The following MBTPS2 variants were observed in gnomAD, a reference collection of about 807,000 sequenced individuals.
MBTPS2 encodes membrane bound transcription factor peptidase, site 2, also known as membrane-bound transcription factor site-2 protease.
Under a neutral mutation model 35.4 loss-of-function variants are expected in MBTPS2, and 2 were observed. That is an observed-to-expected ratio of 0.06 (90% CI 0.02 to 0.18). The LOEUF (loss-of-function observed/expected upper bound fraction) is 0.18. Among genes scored for constraint, MBTPS2 ranks in the 10% least tolerant of loss-of-function variants. The pLI is 1.00. For synonymous variants in MBTPS2, 125 were observed against 140.4 expected, an observed-to-expected ratio of 0.89 and a Z score of 0.77; for missense variants, 244 against 386.5, an observed-to-expected ratio of 0.63 and a Z score of 3.09.
intron 7 of MBTPS2, among the ~76,000 whole-genome samples, chrX:21,874,120 A>G (rs992443765): frequency 1.9e-5 from 2 of 103,574 alleles, no homozygotes; most frequent in East Asian, 6.0e-4. Flanking sequence ...TCCCTGGTTC[A>G]AGCAATTCTC....
At chrX:21,861,303 C>T (rs150911288) in intron 5 of MBTPS2, among the ~76,000 whole-genome samples, 3,216 of 111,260 alleles carry the variant, frequency 0.029, 38 homozygotes, top group Non-Finnish European at 0.043. Context: ...TATTTTTTGA[C>T]CCAACATTTC....
At chrX:21,864,110 C>T (rs772153570) in intron 5 of MBTPS2, among the ~76,000 whole-genome samples, 12 of 112,740 alleles carry the variant, frequency 1.1e-4, no homozygotes, top group Non-Finnish European at 2.1e-4. Context: ...TGTGTACCCT[C>T]TGCCTACTTT....
intron 5 of MBTPS2, among the ~76,000 whole-genome samples, chrX:21,867,632 C>CT (rs11290067): frequency 0.1 from 8,758 of 84,263 alleles, 533 homozygotes; most frequent in Non-Finnish European, 0.15. Flanking sequence ...ACGGTTTTCT[C>CT]TTTTTTTTTT....
chrX:21,851,903 A>G (rs945398262), intron 4 of MBTPS2, among the ~76,000 whole-genome samples: 1 of 111,609 alleles, frequency 9.0e-6, no homozygotes, highest in African/African-American at 3.3e-5. Flanking sequence ...GTTTTTTACC[A>G]AGTCCTAAAA....
intron 9 of MBTPS2, among the ~76,000 whole-genome samples, chrX:21,879,472 G>C (rs993463588): frequency 2.7e-5 from 3 of 111,045 alleles, no homozygotes; most frequent in Admixed American, 1.9e-4. Flanking sequence ...TAGAGACGGA[G>C]TCTCACTTTG....
chrX:21,864,436 G>A (rs1477019888), intron 5 of MBTPS2, among the ~76,000 whole-genome samples: 1 of 111,267 alleles, frequency 9.0e-6, no homozygotes, highest in East Asian at 2.8e-4. Flanking sequence ...GTTTCACCAC[G>A]TTGGCCAGGC....
At chrX:21,845,787 C>T (rs962640155) in intron 3 of MBTPS2, among the ~76,000 whole-genome samples, 4 of 112,273 alleles carry the variant, frequency 3.6e-5, no homozygotes, top group Admixed American at 9.4e-5. Context: ...CAGAGCCTAA[C>T]CAATAATATC....
intron 7 of MBTPS2, among the ~76,000 whole-genome samples, chrX:21,874,289 T>C (rs901695157): frequency 5.6e-4 from 60 of 107,955 alleles, no homozygotes; most frequent in Admixed American, 1.5e-3. Context: ...CCTCCCAAAG[T>C]GCTGGGATTA....
At chrX:21,880,730 G>A in intron 9 of MBTPS2, among the ~76,000 whole-genome samples, 167 bp from the exon 10 acceptor site, 1 of 111,948 alleles carries the variant, frequency 8.9e-6, no homozygotes, top group African/African-American at 3.2e-5. Flanking sequence ...TGTTCTAGAA[G>A]TATTGATTGC....
chrX:21,876,964 T>A (rs760562326), intron 7 of MBTPS2, among the ~76,000 whole-genome samples: 61 of 111,707 alleles, frequency 5.5e-4, no homozygotes, highest in Middle Eastern at 4.6e-3. Flanking sequence ...AGTATGGTAG[T>A]TTATATTCAA....
intron 9 of MBTPS2, 90 bp downstream of exon 9, chrX:21,878,782 A>G: frequency 1.6e-6 from 1 of 622,261 alleles, no homozygotes; most frequent in South Asian, 2.5e-5. Context: ...TTGAATTAAT[A>G]CATTTATTAT....
intron 7 of MBTPS2, among the ~76,000 whole-genome samples, chrX:21,875,967 T>A: frequency 9.0e-6 from 1 of 111,562 alleles, no homozygotes. Flanking sequence ...TCATATGAGA[T>A]AAGGTAGTTT....
chrX:21,878,050 C>T lies in MBTPS2; in HGVS notation c.979C>T (p.Arg327Ter). The T allele has an allele frequency of 8.4e-7, 1 of 1,184,914 alleles. No individual in the cohort carries two copies. The highest frequency in any genetic ancestry group is 1.1e-6 in the Non-Finnish European group (1 of 871,088). Residue 327 changes from arginine (R) to a stop codon, truncating the protein, a stop_gained, in exon 8 of 11, where the codon CGA becomes TGA. Transcript: ENST00000379484. LOFTEE classifies it high-confidence loss of function. ...AGTGTATTTCTCTTTAGCATACAAA[C>T]GACTAGATGGTTCAACTGAATGCTG... Reference protein sequence around the residue: ...QLSFPVRAYKRLDGSTECCNN... With the variant: ...QLSFPVRAYK
At chrX:21,862,592 G>T (rs2092932712) in intron 5 of MBTPS2, among the ~76,000 whole-genome samples, 1 of 106,253 alleles carries the variant, frequency 9.4e-6, no homozygotes, top group Non-Finnish European at 1.9e-5. Context: ...GGCGGATCAC[G>T]AGGTCAGGAG....
At chrX:21,855,370 G>A (rs999444187) in intron 5 of MBTPS2, among the ~76,000 whole-genome samples, 1 of 110,755 alleles carries the variant, frequency 9.0e-6, no homozygotes, top group Admixed American at 9.6e-5. Flanking sequence ...AACCCAAGAG[G>A]CAATCAAAAA....
At chrX:21,840,524 A>G (rs1167730504) in intron 1 of MBTPS2, among the ~76,000 whole-genome samples, 1 of 111,930 alleles carries the variant, frequency 8.9e-6, no homozygotes. Flanking sequence ...CAGTTATTTG[A>G]GAAGGGTAGC....
intron 2 of MBTPS2, 91 bp downstream of exon 2, chrX:21,843,409 A>C (rs1456792806): frequency 1.1e-6 from 1 of 903,557 alleles, no homozygotes; most frequent in African/African-American, 2.0e-5. Flanking sequence ...ATTACTTTGC[A>C]GTTTTCTGAG....
At chrX:21,843,003 G>A (rs2092904411) in intron 1 of MBTPS2, among the ~76,000 whole-genome samples, 167 bp from the exon 2 acceptor site, 1 of 112,716 alleles carries the variant, frequency 8.9e-6, no homozygotes, top group Non-Finnish European at 1.9e-5. Flanking sequence ...GACCGGTTAG[G>A]TCTGTGACCT....
chrX:21,874,082 G>A (rs980845348), intron 7 of MBTPS2, among the ~76,000 whole-genome samples: 8 of 97,719 alleles, frequency 8.2e-5, no homozygotes, highest in Non-Finnish European at 1.6e-4. Flanking sequence ...GTGCAGTGGC[G>A]CGATCTCAGC....
Sources: gnomAD v4.1 joint callset for allele counts (sites outside exome capture counted in the v4.1 genomes callset) on GRCh38, gnomAD v4.1.1 for gene constraint, MANE v1.5 for transcripts, NCBI Gene and HGNC (gene_info 2026-07-23, HGNC 2026-07-21) for gene names.